SOX5: variants seen among roughly 807,000 people sequenced by gnomAD.
SOX5 encodes SRY-box transcription factor 5, also known as transcription factor SOX-5.
In SOX5, 9 loss-of-function variants were observed where a neutral mutation model predicts 92.0. The observed-to-expected ratio is 0.10, with a 90% CI of 0.06 to 0.17. The LOEUF is 0.17. Ranked by LOEUF, SOX5 falls within the 10% of genes least tolerant of loss-of-function variation. The pLI is 1.00. For missense variants in SOX5, 642 were observed against 944.5 expected (o/e 0.68, Z 4.20); for synonymous variants, 344 against 336.3 (o/e 1.02, Z -0.25).
At chr12:23,656,207 A>T (rs917466224) in intron 7 of SOX5, among the ~76,000 whole-genome samples, 1 of 151,824 alleles carries the variant, frequency 6.6e-6, no homozygotes, top group Non-Finnish European at 1.5e-5. Context: ...TTCTGATAGA[A>T]TTCATTAAAG....
intron 4 of SOX5, among the ~76,000 whole-genome samples, chr12:24,074,766 G>A (rs1050615194): frequency 2.0e-5 from 3 of 151,160 alleles, no homozygotes; most frequent in African/African-American, 7.3e-5. Flanking sequence ...CCATTTCTCT[G>A]AAGCATTTAT....
At position 23,947,846 on chromosome 12, in the gene SOX5, T is replaced by C. The variant is rs148840285; in HGVS notation, c.38+1718A>G. Among the ~76,000 whole-genome samples, 905 of 152,078 alleles carry C rather than the reference T, an allele frequency of 6.0e-3. 5 individuals carry two copies. Among genetic ancestry groups the C allele is most frequent in the Non-Finnish European group, 0.011 (728 of 67,872 alleles). On this transcript the variant is annotated intron_variant, in intron 1 of 14. Transcript: ENST00000451604. The stretch of plus-strand genomic sequence containing the variant: ...GTTCACAGCAGGAAGCTTGCCTATA[T>C]AGAGAAATAGGCTACAGCCTGTTAA...
intron 1 of SOX5, among the ~76,000 whole-genome samples, chr12:24,559,662 A>G (rs373026859): frequency 2.0e-5 from 3 of 152,300 alleles, no homozygotes; most frequent in East Asian, 1.9e-4. Context: ...AGAAATTTAA[A>G]TTCTCCTTAT....
intron 1 of SOX5, among the ~76,000 whole-genome samples, chr12:24,493,903 A>C (rs1191124721): frequency 6.6e-6 from 1 of 152,136 alleles, no homozygotes; most frequent in East Asian, 1.9e-4. Flanking sequence ...AAGTCAGTAT[A>C]GTGTTTATAA....
intron 7 of SOX5, among the ~76,000 whole-genome samples, chr12:23,643,444 C>T (rs867486889): frequency 6.6e-6 from 1 of 152,160 alleles, no homozygotes; most frequent in African/African-American, 2.4e-5. Context: ...ACTTGATAAA[C>T]ATGTTAAAAT....
At chr12:24,447,884 A>C (rs1475308309) in intron 1 of SOX5, among the ~76,000 whole-genome samples, 5 of 152,080 alleles carry the variant, frequency 3.3e-5, no homozygotes, top group African/African-American at 7.2e-5. Context: ...ATGCGGACAA[A>C]TTGTTCTTAA....
chr12:24,165,775 C>T (rs1390479961), intron 4 of SOX5, among the ~76,000 whole-genome samples: 1 of 151,968 alleles, frequency 6.6e-6, no homozygotes, highest in Non-Finnish European at 1.5e-5. Context: ...AAAGAAAGGG[C>T]TGTAGAAGAT....
chr12:23,821,930 G>GAT (rs754896232), intron 3 of SOX5, among the ~76,000 whole-genome samples: 11 of 107,860 alleles, frequency 1.0e-4, no homozygotes, highest in African/African-American at 2.0e-4. Flanking sequence ...AGTATTCTCC[G>GAT]ATATATATAT....
chr12:23,992,840 GCT>G, intron 4 of SOX5, among the ~76,000 whole-genome samples: 1 of 152,102 alleles, frequency 6.6e-6, no homozygotes, highest in East Asian at 1.9e-4. Flanking sequence ...TGGTGAGATG[GCT>G]CTATGTCATA....
chr12:24,484,063 T>A (rs948746916), intron 1 of SOX5, among the ~76,000 whole-genome samples: 8 of 152,192 alleles, frequency 5.3e-5, no homozygotes, highest in Non-Finnish European at 1.0e-4. Context: ...TTGATAAACA[T>A]CATTTTGCCT....
At chr12:23,661,446 A>T (rs771768737) in intron 7 of SOX5, among the ~76,000 whole-genome samples, 11 of 152,196 alleles carry the variant, frequency 7.2e-5, no homozygotes, top group Non-Finnish European at 1.5e-4. Flanking sequence ...GACTAACCTT[A>T]TATCCATCAA....
At chr12:23,537,500 A>G (rs2135911123) in intron 13 of SOX5, among the ~76,000 whole-genome samples, 1 of 152,338 alleles carries the variant, frequency 6.6e-6, no homozygotes, top group Non-Finnish European at 1.5e-5. Context: ...AATATAGCAG[A>G]GGTCACAATT....
At chr12:24,118,039 GA>G (rs1170532800) in intron 4 of SOX5, among the ~76,000 whole-genome samples, 1,247 of 119,508 alleles carry the variant, frequency 0.01, 18 homozygotes, top group African/African-American at 0.035. Context: ...AAAAAAAAAA[GA>G]AAAAAAAAAT....
chr12:24,356,903 G>C (rs1954902488), intron 2 of SOX5, among the ~76,000 whole-genome samples: 1 of 152,172 alleles, frequency 6.6e-6, no homozygotes, highest in African/African-American at 2.4e-5. Flanking sequence ...AACCAATGAA[G>C]AGTTTTGACT....
intron 1 of SOX5, among the ~76,000 whole-genome samples, chr12:24,479,778 G>T (rs1945781787): frequency 6.6e-6 from 1 of 151,846 alleles, no homozygotes; most frequent in Non-Finnish European, 1.5e-5. Flanking sequence ...CAATTTTCCT[G>T]CCTCAGCCTC....
At chr12:23,813,716 T>C (rs748666822) in intron 3 of SOX5, among the ~76,000 whole-genome samples, 7 of 152,204 alleles carry the variant, frequency 4.6e-5, no homozygotes, top group Non-Finnish European at 1.0e-4. Context: ...GCATGCATGC[T>C]TGAATTTTAT....
At chr12:23,617,607 A>G (rs1466393756) in intron 8 of SOX5, among the ~76,000 whole-genome samples, 1 of 152,160 alleles carries the variant, frequency 6.6e-6, no homozygotes, top group Non-Finnish European at 1.5e-5. Flanking sequence ...GCATCCTGCT[A>G]AAAATTAAAG....
intron 8 of SOX5, among the ~76,000 whole-genome samples, chr12:23,608,891 T>C (rs944836153): frequency 6.6e-6 from 1 of 152,188 alleles, no homozygotes; most frequent in African/African-American, 2.4e-5. Context: ...ATTATTGATA[T>C]AGCAGAGGAG....
intron 6 of SOX5, among the ~76,000 whole-genome samples, chr12:23,672,475 A>G (rs944268696): frequency 4.6e-5 from 7 of 152,260 alleles, no homozygotes; most frequent in African/African-American, 1.7e-4. Flanking sequence ...ATGAGTTTAT[A>G]TGATACAAAC....
Sources: allele counts gnomAD v4.1 joint callset (sites outside exome capture counted in the v4.1 genomes callset), GRCh38; gene constraint gnomAD v4.1.1; transcripts MANE v1.5; gene names NCBI Gene and HGNC (gene_info 2026-07-23, HGNC 2026-07-21).